Variants in CDH13 observed in about 807,000 individuals in gnomAD.
CDH13 encodes cadherin 13.
In CDH13, 24 loss-of-function variants were observed where a neutral mutation model predicts 63.8. The ratio of observed to expected loss-of-function variants is 0.38; its 90% CI spans 0.27 to 0.53. The LOEUF (loss-of-function observed/expected upper bound fraction) is 0.53. Among genes scored for constraint, CDH13 ranks in the 20% least tolerant of loss-of-function variants. The probability of loss-of-function intolerance (pLI) is 0.85; values close to 1 mark genes in which losing one functional copy is unlikely to be tolerated. For synonymous variants in CDH13, 503 were observed against 355.3 expected (o/e 1.42, Z -4.67); for missense variants, 1,049 against 903.1 (o/e 1.16, Z -2.07).
intron 4 of CDH13, among the ~76,000 whole-genome samples, chr16:83,188,090 A>G (rs1402723193): frequency 6.6e-6 from 1 of 152,196 alleles, no homozygotes; most frequent in African/African-American, 2.4e-5. Context: ...AGATCACAGA[A>G]GGTCTTGGAG....
At chr16:82,979,645 C>G (rs113984981) in intron 2 of CDH13, among the ~76,000 whole-genome samples, 1 of 152,134 alleles carries the variant, frequency 6.6e-6, no homozygotes, top group Admixed American at 6.5e-5. Context: ...GCTTCCCAAG[C>G]CGTGCAGAAT....
intron 6 of CDH13, among the ~76,000 whole-genome samples, chr16:83,355,557 C>T (rs1368037819): frequency 1.3e-5 from 2 of 152,178 alleles, no homozygotes; most frequent in Non-Finnish European, 2.9e-5. Flanking sequence ...TCCCGATAAA[C>T]TGTTTTTTAA....
At chr16:83,174,449 C>T (rs1390630729) in intron 4 of CDH13, among the ~76,000 whole-genome samples, 5 of 151,850 alleles carry the variant, frequency 3.3e-5, no homozygotes, top group Non-Finnish European at 7.4e-5. Context: ...GCAGCAAGAC[C>T]GAAGCAAATG....
At chr16:82,756,717 A>G (rs565898933) in intron 1 of CDH13, among the ~76,000 whole-genome samples, 19 of 152,126 alleles carry the variant, frequency 1.2e-4, no homozygotes, top group Non-Finnish European at 2.5e-4. Flanking sequence ...GAGGAAACAG[A>G]GAATTAGGAG....
chr16:83,113,388 C>T (rs996978645), intron 3 of CDH13, among the ~76,000 whole-genome samples: 3 of 152,244 alleles, frequency 2.0e-5, no homozygotes, highest in African/African-American at 7.2e-5. Context: ...ACCTGGATTA[C>T]TCAAATTCTT....
At chr16:83,450,201 A>G (rs547165226) in intron 6 of CDH13, among the ~76,000 whole-genome samples, 1 of 152,220 alleles carries the variant, frequency 6.6e-6, no homozygotes, top group Non-Finnish European at 1.5e-5. Context: ...GGGAGGTTGC[A>G]TGATGCCCAC....
intron 6 of CDH13, among the ~76,000 whole-genome samples, chr16:83,444,985 C>T (rs2072630355): frequency 3.3e-5 from 5 of 152,158 alleles, no homozygotes. Context: ...ATTGTTTATC[C>T]ATATTCAGAA....
At chr16:83,751,920 G>T (rs1049791498) in intron 11 of CDH13, among the ~76,000 whole-genome samples, 1 of 152,224 alleles carries the variant, frequency 6.6e-6, no homozygotes, top group African/African-American at 2.4e-5. Flanking sequence ...TGGCAAGATA[G>T]AAATGGAATA....
chr16:82,976,373 C>G (rs1909507928), intron 2 of CDH13, among the ~76,000 whole-genome samples: 1 of 152,174 alleles, frequency 6.6e-6, no homozygotes, highest in South Asian at 2.1e-4. Flanking sequence ...GAGAATGTAT[C>G]TCACTCAACT....
At chr16:83,607,523 C>G (rs1482124986) in intron 8 of CDH13, among the ~76,000 whole-genome samples, 1 of 152,238 alleles carries the variant, frequency 6.6e-6, no homozygotes, top group Non-Finnish European at 1.5e-5. Context: ...CTCCTATCCT[C>G]TGTTGTATCC....
At chr16:83,572,949 A>G (rs1904778281) in intron 7 of CDH13, among the ~76,000 whole-genome samples, 1 of 152,216 alleles carries the variant, frequency 6.6e-6, no homozygotes, top group Non-Finnish European at 1.5e-5. Flanking sequence ...TAAAGGATTG[A>G]AATGTGTACA....
intron 6 of CDH13, among the ~76,000 whole-genome samples, chr16:83,477,561 G>C (rs2073638742): frequency 6.6e-6 from 1 of 152,148 alleles, no homozygotes; most frequent in African/African-American, 2.4e-5. Context: ...CTCTCCCACA[G>C]GGTGAGATCT....
chr16:83,137,672 C>A lies in CDH13; in HGVS notation c.483+12171C>A, dbSNP rs148950574. The stretch of plus-strand genomic sequence containing the variant: ...CGGTGTAATTAAGAGATATCACTGC[C>A]CGTTTTTCTCAGTGATGAGGCCGCA... On this transcript the variant is annotated intron_variant, in intron 4 of 13. Coordinates refer to ENST00000567109, the MANE Select transcript of CDH13 (RefSeq NM_001257.5). 2.3e-3 allele frequency among the ~76,000 whole-genome samples: 346 copies of A among 152,158 alleles called. 2 individuals carry two copies. Among genetic ancestry groups the A allele is most frequent in the Admixed American group, 4.6e-3 (71 of 15,288 alleles).
chr16:83,059,337 T>C (rs2031281550), intron 3 of CDH13, among the ~76,000 whole-genome samples: 1 of 152,166 alleles, frequency 6.6e-6, no homozygotes, highest in Non-Finnish European at 1.5e-5. Context: ...GTTAACTGCC[T>C]TCTGTTTAGA....
At chr16:82,963,447 C>T (rs1271337119) in intron 2 of CDH13, among the ~76,000 whole-genome samples, 4 of 152,130 alleles carry the variant, frequency 2.6e-5, no homozygotes, top group Non-Finnish European at 5.9e-5. Context: ...ATACCTCTTA[C>T]ATGATCCCTG....
chr16:83,015,691 A>G lies in CDH13; in HGVS notation c.158-16319A>G, dbSNP rs866640433. ...TGTGTGTGTATGTATATATATATAT[A>G]TATATATATATATATATATATATAT... is the stretch of plus-strand genomic sequence containing the variant. On this transcript the variant is annotated intron_variant, in intron 2 of 13. Coordinates refer to ENST00000567109, the MANE Select transcript of CDH13 (RefSeq NM_001257.5). Among the ~76,000 whole-genome samples, 519 of 94,366 alleles carry G rather than the reference A, an allele frequency of 5.5e-3. 4 individuals carry two copies. Among genetic ancestry groups the G allele is most frequent in the Non-Finnish European group, 8.7e-3 (386 of 44,370 alleles). The allele number at this position is 94,366 out of a possible 152,430, so 61.9% of individuals were successfully genotyped here.
At chr16:82,758,325 C>T (rs1382287216) in intron 1 of CDH13, among the ~76,000 whole-genome samples, 5 of 152,262 alleles carry the variant, frequency 3.3e-5, no homozygotes, top group Admixed American at 6.5e-5. Context: ...TCCAGGTCTC[C>T]TGGAAATGGG....
chr16:83,089,627 C>T (rs756938859), intron 3 of CDH13, among the ~76,000 whole-genome samples: 29 of 152,196 alleles, frequency 1.9e-4, no homozygotes, highest in Admixed American at 1.8e-3. Flanking sequence ...GGAAGATTGC[C>T]TTTAGGGAGC....
intron 3 of CDH13, among the ~76,000 whole-genome samples, chr16:83,053,755 C>G (rs527901999): frequency 6.6e-6 from 1 of 152,224 alleles, no homozygotes; most frequent in South Asian, 2.1e-4. Context: ...ATTTATAGAA[C>G]TATACAGCAG....
Sources: allele counts gnomAD v4.1 joint callset (sites outside exome capture counted in the v4.1 genomes callset), GRCh38; gene constraint gnomAD v4.1.1; transcripts MANE v1.5; gene names NCBI Gene and HGNC (gene_info 2026-07-23, HGNC 2026-07-21).